LMLN: variants seen among roughly 807,000 people sequenced by gnomAD.
LMLN encodes leishmanolysin like peptidase.
A neutral mutation model predicts 92.3 loss-of-function variants in LMLN; 70 were observed. The ratio of observed to expected loss-of-function variants is 0.76; its 90% CI spans 0.63 to 0.92. The LOEUF (loss-of-function observed/expected upper bound fraction) is 0.92. Among genes scored for constraint, LMLN ranks in the 40% least tolerant of loss-of-function variants. LMLN has a pLI of 0.00. For synonymous variants in LMLN, 308 were observed against 296.2 expected (o/e 1.04, Z -0.41); for missense variants, 691 against 814.6 (o/e 0.85, Z 1.85).
intron 14 of LMLN, among the ~76,000 whole-genome samples, chr3:198,030,763 A>G (rs1723056946): frequency 6.6e-6 from 1 of 152,202 alleles, no homozygotes; most frequent in Non-Finnish European, 1.5e-5. Context: ...TTAATGGAAC[A>G]TATCTTCTAG....
chr3:197,988,088 A>G (rs185913634), intron 8 of LMLN, among the ~76,000 whole-genome samples: 33 of 151,300 alleles, frequency 2.2e-4, no homozygotes, highest in Non-Finnish European at 4.1e-4. Context: ...TTATCTTTTT[A>G]TTTCATTTAT....
At chr3:197,975,961 GC>G (rs1721365315) in intron 3 of LMLN, 67 bp from the exon 4 acceptor site, 1 of 958,486 alleles carries the variant, frequency 1.0e-6, no homozygotes, top group East Asian at 2.7e-5. Flanking sequence ...TCCTGTGTTT[GC>G]TTCTTTTAAA....
At chr3:197,969,057 T>A (rs912096057) in intron 1 of LMLN, among the ~76,000 whole-genome samples, 4 of 152,068 alleles carry the variant, frequency 2.6e-5, no homozygotes, top group African/African-American at 9.6e-5. Context: ...CTGTGTAGTT[T>A]CTGACATTGG....
In LMLN at chr3:198,014,073, A is replaced by T. The variant is rs1326672658; in HGVS notation, c.1233-5180A>T. On this transcript the variant is annotated intron_variant, in intron 11 of 15. Coordinates refer to ENST00000330198, the Ensembl canonical transcript of LMLN. ...TCTCTGTACCCTTCAGAGCCTCCTA[A>T]CTAGTCTGACTTCTCTGTACCCTTC... Among the ~76,000 whole-genome samples the T allele has an allele frequency of 9.0e-5, 13 of 144,092 alleles. No individual in the cohort carries two copies. In the South Asian group the frequency reaches 1.3e-3, roughly 15 times the overall value. 94.5% of individuals were successfully genotyped at this position (144,092 alleles called of 152,430 possible).
intron 7 of LMLN, among the ~76,000 whole-genome samples, chr3:197,984,948 G>A (rs1451531864): frequency 6.6e-6 from 1 of 152,064 alleles, no homozygotes; most frequent in East Asian, 1.9e-4. Flanking sequence ...AAAGTGCTGG[G>A]ATTACAGGCA....
At chr3:197,967,575 G>A (rs566547721) in intron 1 of LMLN, among the ~76,000 whole-genome samples, 7 of 152,318 alleles carry the variant, frequency 4.6e-5, no homozygotes, top group South Asian at 2.1e-4. Context: ...GGCCAAGGGC[G>A]AAATCAAAAA....
intron 11 of LMLN, among the ~76,000 whole-genome samples, chr3:198,003,560 A>C (rs563897297): frequency 2.0e-5 from 3 of 152,254 alleles, no homozygotes; most frequent in Admixed American, 2.0e-4. Context: ...TTTAAAAAAT[A>C]CAGAGTAAGT....
chr3:198,014,163 T>C (rs1351580100), intron 11 of LMLN, among the ~76,000 whole-genome samples: 20 of 148,516 alleles, frequency 1.3e-4, no homozygotes, highest in African/African-American at 4.6e-4. Flanking sequence ...CTGACTTCTC[T>C]GTACCCTTCA....
At chr3:198,012,158 G>A (rs1353272144) in intron 11 of LMLN, among the ~76,000 whole-genome samples, 4 of 152,114 alleles carry the variant, frequency 2.6e-5, no homozygotes, top group Admixed American at 6.6e-5. Flanking sequence ...CTCTGGTGCC[G>A]AGTTCAAGCT....
At chr3:197,996,007 A>G (rs1157774837) in intron 9 of LMLN, among the ~76,000 whole-genome samples, 168 bp from the exon 10 acceptor site, 4 of 152,234 alleles carry the variant, frequency 2.6e-5, no homozygotes, top group African/African-American at 4.8e-5. Context: ...GTGTGACTGC[A>G]TTAAAATATT....
At chr3:197,995,715 A>G (rs1012623704) in intron 9 of LMLN, among the ~76,000 whole-genome samples, 1 of 152,086 alleles carries the variant, frequency 6.6e-6, no homozygotes, top group African/African-American at 2.4e-5. Context: ...GATTTAAATT[A>G]CTGAGAGTAA....
rs1318904203 is a variant in LMLN at position 198,026,225 on chromosome 3, G to C, written c.1656+1437G>C. On this transcript the variant is annotated intron_variant, in intron 14 of 15. Coordinates refer to ENST00000330198, the Ensembl canonical transcript of LMLN. ...CCTGCCTCAGCCTCCCAAAGTGCTG[G>C]GACTACAGACATGAGCCACTTTGCC... is the stretch of plus-strand genomic sequence containing the variant. 2.6e-5 allele frequency among the ~76,000 whole-genome samples: 4 copies of C among 151,996 alleles called. No individual in the cohort carries two copies. The East Asian group carries it at 7.7e-4, about 29-fold the overall frequency.
chr3:198,027,239 C>G (rs538381179), intron 14 of LMLN, among the ~76,000 whole-genome samples: 1 of 152,064 alleles, frequency 6.6e-6, no homozygotes, highest in Non-Finnish European at 1.5e-5. Flanking sequence ...CGTGACCTCC[C>G]GGTCACACAC....
chr3:197,975,171 C>A (rs1221729954), intron 3 of LMLN, 99 bp downstream of exon 3: 2 of 679,338 alleles, frequency 2.9e-6, no homozygotes, highest in African/African-American at 1.9e-5. Context: ...ACTTTTGTGA[C>A]TGAATGAAAG....
At chr3:197,992,063 A>G (rs1376574949) in intron 9 of LMLN, among the ~76,000 whole-genome samples, 10 of 145,870 alleles carry the variant, frequency 6.9e-5, no homozygotes. Flanking sequence ...GGGTTTCACC[A>G]TGTTGGTCAG....
chr3:198,038,334 C>T (rs1723292197), intron 15 of LMLN: 3 of 424,302 alleles, frequency 7.1e-6, no homozygotes, highest in Admixed American at 3.8e-5. Flanking sequence ...TTTTTGGATA[C>T]CATTTTTTAA....
At position 198,018,336 on chromosome 3, in the gene LMLN, C is replaced by T. The variant is rs373432890; in HGVS notation, c.1233-917C>T. 9.1e-4 allele frequency among the ~76,000 whole-genome samples: 139 copies of T among 152,230 alleles called. 4 individuals carry two copies. The South Asian group carries it at 0.028, about 30-fold the overall frequency. ...GATTTTACGAAAATGGTATAAACAGCGGAAATCACATTTATTGAGTAGCCT... is the reference window on the plus strand; with the variant it reads ...GATTTTACGAAAATGGTATAAACAGTGGAAATCACATTTATTGAGTAGCCT... On this transcript the variant is annotated intron_variant, in intron 11 of 15. Coordinates refer to ENST00000330198, the Ensembl canonical transcript of LMLN.
intron 11 of LMLN, among the ~76,000 whole-genome samples, chr3:198,015,514 C>T (rs924860565): frequency 6.9e-6 from 1 of 145,628 alleles, no homozygotes; most frequent in African/African-American, 2.6e-5. Context: ...TCAGAGCCCC[C>T]TAAGTAGTTT....
At chr3:197,977,867 TCAAA>T (rs1175292698) in intron 5 of LMLN, among the ~76,000 whole-genome samples, 1 of 150,608 alleles carries the variant, frequency 6.6e-6, no homozygotes, top group Non-Finnish European at 1.5e-5. Flanking sequence ...ATAAAAATCA[TCAAA>T]CAATCTGGAA....
Sources: allele counts gnomAD v4.1 joint callset (sites outside exome capture counted in the v4.1 genomes callset), GRCh38; gene constraint gnomAD v4.1.1; transcripts MANE v1.5; gene names NCBI Gene and HGNC (gene_info 2026-07-23, HGNC 2026-07-21).